PCDH11Y: variants seen among roughly 807,000 people sequenced by gnomAD.
PCDH11Y encodes the protein protocadherin 11 Y-linked.
For synonymous variants in PCDH11Y, 9 were observed against 83.6 expected, an observed-to-expected ratio of 0.11 and a Z score of 4.87; for missense variants, 12 against 224.8, an observed-to-expected ratio of 0.05 and a Z score of 6.05.
At chrY:5,731,455 G>T in intron 4 of PCDH11Y, among the ~76,000 whole-genome samples, 1 of 32,525 alleles carries the variant, frequency 3.1e-5, no homozygotes, top group Non-Finnish European at 7.6e-5. Context: ...AATTCCTGTG[G>T]GATCAGTTGC....
intron 4 of PCDH11Y, among the ~76,000 whole-genome samples, chrY:5,662,859 C>T (rs2053541954): frequency 3.2e-5 from 1 of 31,663 alleles, no homozygotes; most frequent in African/African-American, 1.2e-4. Flanking sequence ...GGCATGATGG[C>T]GGGCACCTGT....
downstream of PCDH11Y, among the ~76,000 whole-genome samples, chrY:5,108,192 G>T: frequency 2.8e-4 from 9 of 32,043 alleles, no homozygotes; most frequent in Admixed American, 2.6e-3. Flanking sequence ...TCCCCTGCAA[G>T]CACTCAAAGA....
intron 2 of PCDH11Y, among the ~76,000 whole-genome samples, chrY:5,151,422 C>T (rs2052864235): frequency 3.0e-5 from 1 of 32,794 alleles, no homozygotes; most frequent in African/African-American, 1.2e-4. Context: ...GTACTCAGGG[C>T]CCCATTGTTT....
At chrY:5,373,197 CT>C (rs1297603049) in intron 2 of PCDH11Y, among the ~76,000 whole-genome samples, 4 of 9,768 alleles carry the variant, frequency 4.1e-4, no homozygotes, top group African/African-American at 1.4e-3. Flanking sequence ...CTTTCCCTTC[CT>C]TTTTTTTTTT....
intron 4 of PCDH11Y, among the ~76,000 whole-genome samples, chrY:5,721,208 GCT>G (rs2053594360): frequency 3.1e-5 from 1 of 32,584 alleles, no homozygotes. Context: ...AATACAGAGA[GCT>G]CCAAAGCTAT....
chrY:5,570,931 A>G, intron 3 of PCDH11Y, among the ~76,000 whole-genome samples: 2 of 31,273 alleles, frequency 6.4e-5, no homozygotes, highest in African/African-American at 1.2e-4. Flanking sequence ...TTAAGCTGTC[A>G]GTAATTCACT....
At chrY:5,019,995 G>T in intron 1 of PCDH11Y, among the ~76,000 whole-genome samples, 6 of 31,892 alleles carry the variant, frequency 1.9e-4, no homozygotes, top group East Asian at 8.1e-4. Flanking sequence ...TTTTAGAAAT[G>T]AAGACTTAGG....
intron 2 of PCDH11Y, among the ~76,000 whole-genome samples, chrY:5,205,474 ATATATTT>A (rs2052930409): frequency 3.9e-5 from 1 of 25,667 alleles, no homozygotes; most frequent in African/African-American, 1.5e-4. Flanking sequence ...TACACAGTGT[ATATATTT>A]TATATATATA....
At chrY:5,096,688 ATTTTTTTTTTTTTTTTTTT>A (rs1451630867) in intron 1 of PCDH11Y, among the ~76,000 whole-genome samples, 1 of 3,201 alleles carries the variant, frequency 3.1e-4, no homozygotes, top group Non-Finnish European at 5.3e-4. Context: ...CAGGGAGGGG[ATTTTTTTTTTTTTTTTTTT>A]TTTTTTTTTT....
At chrY:5,205,659 TAA>T (rs2052931306) in intron 2 of PCDH11Y, among the ~76,000 whole-genome samples, 1 of 25,950 alleles carries the variant, frequency 3.9e-5, no homozygotes, top group Non-Finnish European at 8.6e-5. Flanking sequence ...ATTGAATATA[TAA>T]ATATATATAT....
At chrY:5,347,605 TG>T (rs2053153619) in intron 2 of PCDH11Y, among the ~76,000 whole-genome samples, 26 of 33,419 alleles carry the variant, frequency 7.8e-4, no homozygotes, top group Non-Finnish European at 1.3e-3. Flanking sequence ...TATCACATTT[TG>T]GGGAAAGTTT....
chrY:5,326,698 G>T, intron 2 of PCDH11Y, among the ~76,000 whole-genome samples: 1 of 32,888 alleles, frequency 3.0e-5, no homozygotes, highest in Non-Finnish European at 7.5e-5. Flanking sequence ...AGGAACAATG[G>T]TAATTGTGGG....
At chrY:5,086,672 G>GC (rs2052731317) in intron 1 of PCDH11Y, among the ~76,000 whole-genome samples, 1 of 26,932 alleles carries the variant, frequency 3.7e-5, no homozygotes, top group African/African-American at 1.5e-4. Flanking sequence ...ACTCACAGAG[G>GC]CACCACCTCA....
chrY:5,490,952 C>T (rs2573840), intron 2 of PCDH11Y, among the ~76,000 whole-genome samples: 1 of 34,068 alleles, frequency 2.9e-5, no homozygotes, highest in South Asian at 6.4e-4. Context: ...CTGACATGCC[C>T]ATGGCTGCCT....
intron 2 of PCDH11Y, among the ~76,000 whole-genome samples, chrY:5,275,348 T>A: frequency 3.1e-5 from 1 of 31,882 alleles, no homozygotes; most frequent in Non-Finnish European, 7.6e-5. Flanking sequence ...TTAATAAAAC[T>A]AAATGTTCCA....
intron 2 of PCDH11Y, among the ~76,000 whole-genome samples, chrY:5,329,371 G>A: frequency 2.5e-4 from 8 of 31,907 alleles, no homozygotes; most frequent in African/African-American, 8.7e-4. Flanking sequence ...AGATTGGGGC[G>A]TGGAAATAAG....
At chrY:5,103,996 C>A, downstream of PCDH11Y, among the ~76,000 whole-genome samples, 19 of 32,142 alleles carry the variant, frequency 5.9e-4, no homozygotes, top group African/African-American at 2.3e-3. Flanking sequence ...TGGGGTACAT[C>A]ATTTTCCAAA....
At chrY:5,738,939 T>C in exon 5 of PCDH11Y, 2 of 31,157 alleles carry the variant, frequency 6.4e-5, no homozygotes, top group Admixed American at 3.0e-4. Context: ...GACAGCTCAA[T>C]AGGCTGTTAC....
intron 3 of PCDH11Y, among the ~76,000 whole-genome samples, chrY:5,571,050 C>T: frequency 3.2e-5 from 1 of 31,441 alleles, no homozygotes; most frequent in Non-Finnish European, 7.8e-5. Context: ...CAAAACTATA[C>T]TTTCGTTTCA....
Sources: gnomAD v4.1 joint callset for allele counts (sites outside exome capture counted in the v4.1 genomes callset) on GRCh38, gnomAD v4.1.1 for gene constraint, MANE v1.5 for transcripts, NCBI Gene and HGNC (gene_info 2026-07-23, HGNC 2026-07-21) for gene names.